SBSPON: variants seen among roughly 807,000 people sequenced by gnomAD.
SBSPON encodes the protein somatomedin B and thrombospondin type 1 domain containing, also known as somatomedin-B and thrombospondin type-1 domain-containing protein.
SBSPON carries 30 observed loss-of-function variants against 35.8 expected under a neutral mutation model. The observed-to-expected ratio is 0.84, with a 90% CI of 0.63 to 1.14. The LOEUF is 1.14. Among genes scored for constraint, SBSPON ranks in the 50% most tolerant of loss-of-function variants. The pLI, the probability that SBSPON is intolerant of heterozygous loss-of-function variation, is 0.00. For missense variants in SBSPON, 364 were observed against 357.7 expected, an observed-to-expected ratio of 1.02 and a Z score of -0.14; for synonymous variants, 136 against 135.9, an observed-to-expected ratio of 1.00 and a Z score of 0.00.
chr8:73,071,495 G>A (rs1810491385), intron 3 of SBSPON, among the ~76,000 whole-genome samples: 1 of 152,150 alleles, frequency 6.6e-6, no homozygotes, highest in Non-Finnish European at 1.5e-5. Context: ...TGTAAGAGAA[G>A]CATCCTTAGT....
At chr8:73,091,754 C>G (rs1810939295) in intron 1 of SBSPON, among the ~76,000 whole-genome samples, 1 of 152,306 alleles carries the variant, frequency 6.6e-6, no homozygotes, top group Non-Finnish European at 1.5e-5. Flanking sequence ...TAGCTTTCAA[C>G]CAGGGTCAAA....
intron 2 of SBSPON, chr8:73,075,649 C>T: frequency 4.7e-6 from 1 of 213,006 alleles, no homozygotes; most frequent in Non-Finnish European, 8.1e-6. Flanking sequence ...CATATACTTA[C>T]TTTGAACATG....
At chr8:73,085,450 C>T (rs904017536) in intron 1 of SBSPON, 2 of 151,824 alleles carry the variant, frequency 1.3e-5, no homozygotes, top group Admixed American at 6.6e-5. Context: ...AAAATCCATG[C>T]TTACCTTTTC....
chr8:73,090,407 C>G (rs1231793194), intron 1 of SBSPON, among the ~76,000 whole-genome samples: 4 of 152,252 alleles, frequency 2.6e-5, no homozygotes, highest in Non-Finnish European at 4.4e-5. Flanking sequence ...TTGCCCCGAA[C>G]CAGCTTCCAG....
At chr8:73,071,972 C>CCATGCCG in intron 2 of SBSPON, 102 bp from the exon 3 acceptor site, 1 of 718,136 alleles carries the variant, frequency 1.4e-6, no homozygotes, top group Non-Finnish European at 2.6e-6. Flanking sequence ...CATTCCTAAA[C>CCATGCCG]TCACAGGGCT....
At chr8:73,087,572 C>T (rs192314122) in intron 1 of SBSPON, among the ~76,000 whole-genome samples, 3 of 152,130 alleles carry the variant, frequency 2.0e-5, no homozygotes, top group East Asian at 3.9e-4. Context: ...TGTTCTGGTT[C>T]CTGTAAAGCC....
At chr8:73,067,547 A>T (rs570322694) in intron 4 of SBSPON, 89 bp from the exon 5 acceptor site, 3 of 720,372 alleles carry the variant, frequency 4.2e-6, no homozygotes, top group Non-Finnish European at 7.3e-6. Context: ...AGTTAAAAAA[A>T]ACTGATCACA....
intron 1 of SBSPON, among the ~76,000 whole-genome samples, chr8:73,086,408 C>T (rs1032052950): frequency 3.9e-5 from 6 of 152,080 alleles, no homozygotes; most frequent in African/African-American, 1.4e-4. Context: ...GTGATCCTTC[C>T]ACCTTGGCCT....
Position 73,093,038 on chromosome 8 carries a change from C to T in SBSPON, c.30G>A (p.Ala10=). Reference sequence around the variant, plus strand: ...GGGCCCCGGGCCACAGCCGCGACAGCGCGCACAGCGCCATCCACAGGGTCC... The same window carrying T: ...GGGCCCCGGGCCACAGCCGCGACAGTGCGCACAGCGCCATCCACAGGGTCC... MRTLWMALC[A]LSRLWPGAQA... is the part of the protein sequence containing the mutation. The change falls in exon 1 of 5, where the codon GCG becomes GCA. Residue 10 remains alanine (A), a synonymous_variant. Coordinates refer to ENST00000297354, the MANE Select transcript of SBSPON (RefSeq NM_153225.4). 2 of 1,379,274 alleles carry T rather than the reference C, an allele frequency of 1.5e-6. No individual in the cohort carries two copies. The highest frequency in any genetic ancestry group is 1.9e-6 in the Non-Finnish European group (2 of 1,072,370). The allele number at this position is 1,379,274 out of a possible 1,614,324, so 85.4% of individuals were successfully genotyped here.
chr8:73,085,688 C>G (rs761480780), intron 1 of SBSPON: 1 of 152,082 alleles, frequency 6.6e-6, no homozygotes, highest in African/African-American at 2.4e-5. Context: ...ACCAAAGGGT[C>G]ATTTAAAAAT....
At chr8:73,074,567 G>C (rs987835732) in intron 2 of SBSPON, 1 of 984,228 alleles carries the variant, frequency 1.0e-6, no homozygotes. Context: ...AAACTCCTCA[G>C]GGCGGCACTC....
chr8:73,088,787 A>G (rs1456407975), intron 1 of SBSPON, among the ~76,000 whole-genome samples: 2 of 152,224 alleles, frequency 1.3e-5, no homozygotes, highest in Non-Finnish European at 2.9e-5. Context: ...TTTATCTAGG[A>G]ATAAGTAATA....
At chr8:73,074,588 GTAA>G in intron 2 of SBSPON, 1 of 983,002 alleles carries the variant, frequency 1.0e-6, no homozygotes, top group Non-Finnish European at 1.2e-6. Flanking sequence ...CACTGCCTCT[GTAA>G]TAATATAGAT....
intron 1 of SBSPON, among the ~76,000 whole-genome samples, chr8:73,089,398 A>C (rs545763487): frequency 6.6e-6 from 1 of 152,244 alleles, no homozygotes; most frequent in South Asian, 2.1e-4. Flanking sequence ...TACTTAAATT[A>C]CAAAAAAATT....
rs375876163 is a variant in SBSPON at position 73,069,810 on chromosome 8, G to A, written c.672C>T (p.Ser224=). 59 of 1,613,226 alleles carry A rather than the reference G, an allele frequency of 3.7e-5. No homozygotes were observed. Among genetic ancestry groups the A allele is most frequent in the East Asian group, 3.1e-4 (14 of 44,868 alleles). Reference sequence around the variant, plus strand: ...CAGTTAATTTCCATTCTTACCCATCGGAGTCCAGGCCATCTCCAGAACAAC... The same window carrying A: ...CAGTTAATTTCCATTCTTACCCATCAGAGTCCAGGCCATCTCCAGAACAAC... ...SLRCSGDGLD[S]DGNQTLHWQA... is the part of the protein sequence containing the mutation. The change falls in exon 4 of 5, where the codon TCC becomes TCT. Residue 224 remains serine, a synonymous_variant. Transcript: ENST00000297354.
intron 2 of SBSPON, 90 bp downstream of exon 2, chr8:73,080,908 CTCCCTGTGGTGCATGGAACCT>C: frequency 1.1e-6 from 1 of 944,656 alleles, no homozygotes; most frequent in Non-Finnish European, 1.5e-6. Flanking sequence ...GCCCATACCA[CTCCCTGTGGTGCATGGAACCT>C]TCCCTGCACA....
intron 3 of SBSPON, 115 bp downstream of exon 3, chr8:73,071,665 A>G: frequency 1.5e-6 from 1 of 654,382 alleles, no homozygotes; most frequent in South Asian, 2.0e-5. Flanking sequence ...ATTTTAGCCA[A>G]AGTCAAAGAG....
chr8:73,090,699 C>T (rs576044378), intron 1 of SBSPON, among the ~76,000 whole-genome samples: 40 of 152,326 alleles, frequency 2.6e-4, no homozygotes, highest in Non-Finnish European at 5.4e-4. Context: ...CTGCAAGGTC[C>T]TCTGTTGACT....
chr8:73,091,957 G>A (rs143355974), intron 1 of SBSPON, among the ~76,000 whole-genome samples: 151 of 152,284 alleles, frequency 9.9e-4, no homozygotes, highest in African/African-American at 3.5e-3. Context: ...TAATATCTGT[G>A]TGGCTTTGGG....
Sources: allele counts gnomAD v4.1 joint callset (sites outside exome capture counted in the v4.1 genomes callset), GRCh38; gene constraint gnomAD v4.1.1; transcripts MANE v1.5; gene names NCBI Gene and HGNC (gene_info 2026-07-23, HGNC 2026-07-21).